The following UBXN7 variants were observed in gnomAD, a reference collection of about 807,000 sequenced individuals.
UBXN7 encodes the protein UBX domain-containing protein 7.
A neutral mutation model predicts 58.0 loss-of-function variants in UBXN7; 9 were observed. The observed-to-expected ratio is 0.16, with a 90% confidence interval of 0.09 to 0.27. The LOEUF is 0.27. Ranked by LOEUF, UBXN7 falls within the 10% of genes least tolerant of loss-of-function variation. UBXN7 has a pLI of 1.00. For synonymous variants in UBXN7, 208 were observed against 205.0 expected (o/e 1.01, Z -0.12); for missense variants, 328 against 599.6 (o/e 0.55, Z 4.73).
intron 1 of UBXN7, among the ~76,000 whole-genome samples, chr3:196,430,270 G>A (rs568135853): frequency 1.3e-5 from 2 of 152,068 alleles, no homozygotes; most frequent in South Asian, 2.1e-4. Context: ...CAGGAGAATC[G>A]CTTGAACCCG....
intron 5 of UBXN7, among the ~76,000 whole-genome samples, chr3:196,388,480 T>G (rs1256237877): frequency 6.6e-6 from 1 of 151,770 alleles, no homozygotes; most frequent in African/African-American, 2.4e-5. Flanking sequence ...TTTGTTTTTT[T>G]TTTTTCCAGT....
Position 196,350,183 on chromosome 3 carries a change from T to C in UBXN7, c.*6502A>G, listed in dbSNP as rs1405441263. Reference sequence around the variant, plus strand: ...TTACAGGAATGCTAAATTATGTTTATTAAAGTAGTTCAAATTGGATTGCCC... The same window carrying C: ...TTACAGGAATGCTAAATTATGTTTACTAAAGTAGTTCAAATTGGATTGCCC... On this transcript the variant is annotated 3_prime_UTR_variant, in exon 11 of 11. Transcript: ENST00000296328. The C allele has an allele frequency of 6.6e-6, 1 of 152,266 alleles. No homozygotes were observed. Among genetic ancestry groups the C allele is most frequent in the Non-Finnish European group, 1.5e-5 (1 of 68,038 alleles). The allele number at this position is 152,266 out of a possible 1,614,324, so 9.4% of individuals were successfully genotyped here.
In UBXN7 at chr3:196,388,829, T is replaced by A. The variant is rs1401870845; in HGVS notation, c.468+2984A>T. Among the ~76,000 whole-genome samples, 23 of 152,174 alleles carry A rather than the reference T, an allele frequency of 1.5e-4. 1 individual carries two copies. Among genetic ancestry groups the A allele is most frequent in the Admixed American group, 1.5e-3 (23 of 15,268 alleles). On this transcript the variant is annotated intron_variant, in intron 5 of 10. Coordinates refer to ENST00000296328, the MANE Select transcript of UBXN7 (RefSeq NM_015562.2). ...ATCTCCCTAATTGTTATAAAACTAA[T>A]ACATGTATCATTAACCATAATGAAA... is the stretch of plus-strand genomic sequence containing the variant.
rs1560231307 is a variant in UBXN7 at position 196,391,994 on chromosome 3, A to AC, written c.356-70_356-69insG. The AC allele has an allele frequency of 3.5e-5, 28 of 795,358 alleles. No homozygotes were observed. In the African/African-American group the frequency reaches 4.2e-4, roughly 12 times the overall value. The allele number at this position is 795,358 out of a possible 1,614,324, so 49.3% of individuals were successfully genotyped here. ...AATCACACTGAAAAAAAAAAAAAAA[A>AC]AAACACAAACTTCTGTCAATTGAAG... On this transcript the variant is annotated intron_variant, in intron 4 of 10. Coordinates refer to ENST00000296328, the MANE Select transcript of UBXN7 (RefSeq NM_015562.2).
chr3:196,414,820 C>A lies in UBXN7; in HGVS notation c.74-7427G>T, dbSNP rs901628447. 3.9e-5 allele frequency: 6 copies of A among 152,198 alleles called. No homozygotes were observed. The East Asian group carries it at 1.2e-3, about 29-fold the overall frequency. The allele number at this position is 152,198 out of a possible 1,614,324, so 9.4% of individuals were successfully genotyped here. On this transcript the variant is annotated intron_variant, in intron 1 of 10. Coordinates refer to ENST00000296328, the MANE Select transcript of UBXN7 (RefSeq NM_015562.2). ...TCACTTTTCTCATCCCAGTTACATTCTTCCTAAGTTCTCAGTGGAGCTGAA... is the reference window on the plus strand; with the variant it reads ...TCACTTTTCTCATCCCAGTTACATTATTCCTAAGTTCTCAGTGGAGCTGAA...
chr3:196,431,272 GC>G (rs1307763671), intron 1 of UBXN7: 1 of 152,098 alleles, frequency 6.6e-6, no homozygotes, highest in African/African-American at 2.4e-5. Context: ...AACTAGAACG[GC>G]AAAATTACAC....
At chr3:196,406,058 C>A (rs1312951074) in intron 2 of UBXN7, among the ~76,000 whole-genome samples, 1 of 151,016 alleles carries the variant, frequency 6.6e-6, no homozygotes, top group East Asian at 1.9e-4. Flanking sequence ...AGACAGGAGG[C>A]CTCACTCTGT....
At chr3:196,401,104 G>C (rs571134126) in intron 3 of UBXN7, among the ~76,000 whole-genome samples, 1 of 150,400 alleles carries the variant, frequency 6.6e-6, no homozygotes, top group Non-Finnish European at 1.5e-5. Flanking sequence ...AAACACCAAA[G>C]CTGCCAAGTT....
In UBXN7 at chr3:196,408,234, T is replaced by C. The variant is rs140325839; in HGVS notation, c.74-841A>G. Among the ~76,000 whole-genome samples, 17 of 152,228 alleles carry C rather than the reference T, an allele frequency of 1.1e-4. No individual in the cohort carries two copies. In the East Asian group the frequency reaches 3.3e-3, roughly 29 times the overall value. ...TCTTCATCATTTAAAAATGTCCCTA[T>C]TACAAATGTACTCATTTGTAAATAA... On this transcript the variant is annotated intron_variant, in intron 1 of 10. Transcript: ENST00000296328.
intron 1 of UBXN7, 39 bp downstream of exon 1, chr3:196,432,288 G>A (rs769629875): frequency 2.3e-5 from 37 of 1,611,568 alleles, no homozygotes; most frequent in Non-Finnish European, 3.1e-5. Flanking sequence ...TGCCCGCTCC[G>A]GACCCCACTC....
rs1728519016 is a variant in UBXN7, at chr3:196,362,013, C to G, written c.1229-90G>C. On this transcript the variant is annotated intron_variant, in intron 9 of 10. Transcript: ENST00000296328. ...TAAATAAATATGTAAATAAATACAG[C>G]CATTCAGCAATTACTCAAGTGTTTT... is the stretch of plus-strand genomic sequence containing the variant. The G allele has an allele frequency of 4.7e-6, 6 of 1,274,502 alleles. No individual in the cohort carries two copies. The African/African-American group carries it at 7.5e-5, about 16-fold the overall frequency. The allele number at this position is 1,274,502 out of a possible 1,614,324, so 78.9% of individuals were successfully genotyped here.
intron 8 of UBXN7, among the ~76,000 whole-genome samples, chr3:196,362,938 T>C (rs1480497811): frequency 6.6e-6 from 1 of 152,038 alleles, no homozygotes; most frequent in Non-Finnish European, 1.5e-5. Context: ...AGTCTCACTC[T>C]TGTTGCCCAG....
At position 196,422,456 on chromosome 3, in the gene UBXN7, G is replaced by A. The variant is rs1039508771; in HGVS notation, c.73+9871C>T. On this transcript the variant is annotated intron_variant, in intron 1 of 10. Coordinates refer to ENST00000296328, the MANE Select transcript of UBXN7 (RefSeq NM_015562.2). ...GATAACACGGCTGCACTCCACCAGG[G>A]GCAAGAGAATGAGATCTTGTCTCAA... is the stretch of plus-strand genomic sequence containing the variant. 6.6e-5 allele frequency among the ~76,000 whole-genome samples: 10 copies of A among 151,692 alleles called. No individual in the cohort carries two copies. In the South Asian group the frequency reaches 1.5e-3, roughly 22 times the overall value.
chr3:196,415,170 T>TC (rs1195531089), intron 1 of UBXN7, among the ~76,000 whole-genome samples: 1 of 151,018 alleles, frequency 6.6e-6, no homozygotes, highest in African/African-American at 2.4e-5. Context: ...TTTTTTTTTT[T>TC]TGAGACAGAG....
At chr3:196,403,924 T>C (rs993502694) in intron 2 of UBXN7, among the ~76,000 whole-genome samples, 1 of 152,128 alleles carries the variant, frequency 6.6e-6, no homozygotes. Context: ...CATTTAGATA[T>C]ACTGTAAAAA....
chr3:196,423,887 A>C (rs1196822345), intron 1 of UBXN7, among the ~76,000 whole-genome samples: 9 of 137,782 alleles, frequency 6.5e-5, no homozygotes, highest in Non-Finnish European at 1.1e-4. Flanking sequence ...ATAATTTTTC[A>C]CTTTTTTTTT....
Position 196,370,222 on chromosome 3 carries a change from A to G in UBXN7, c.616-711T>C, listed in dbSNP as rs533352692. Among the ~76,000 whole-genome samples, 14 of 151,128 alleles carry G rather than the reference A, an allele frequency of 9.3e-5. No homozygotes were observed. The South Asian group carries it at 2.9e-3, about 32-fold the overall frequency. Reference sequence around the variant, plus strand: ...TAGGGCAGAGGCAGAGGACAGCTTGAGGCCAGGAGTTTGAGACCAGCCTGG... The same window carrying G: ...TAGGGCAGAGGCAGAGGACAGCTTGGGGCCAGGAGTTTGAGACCAGCCTGG... On this transcript the variant is annotated intron_variant, in intron 6 of 10. Coordinates refer to ENST00000296328, the MANE Select transcript of UBXN7 (RefSeq NM_015562.2).
chr3:196,369,162 G>C (rs1477215835), intron 7 of UBXN7, among the ~76,000 whole-genome samples: 2 of 152,100 alleles, frequency 1.3e-5, no homozygotes, highest in African/African-American at 2.4e-5. Context: ...AAAAAGGTAA[G>C]ATGAACATAT....
At chr3:196,398,614 GT>G (rs2108849675) in intron 3 of UBXN7, among the ~76,000 whole-genome samples, 1 of 152,256 alleles carries the variant, frequency 6.6e-6, no homozygotes, top group East Asian at 1.9e-4. Flanking sequence ...CTAAAATCCT[GT>G]TTTTTGCCTG....
Sources: allele counts gnomAD v4.1 joint callset (sites outside exome capture counted in the v4.1 genomes callset), GRCh38; gene constraint gnomAD v4.1.1; transcripts MANE v1.5; gene names NCBI Gene and HGNC (gene_info 2026-07-23, HGNC 2026-07-21).